The following PLPP7 variants were observed in gnomAD, a reference collection of about 807,000 sequenced individuals.
PLPP7 encodes the protein phospholipid phosphatase 7 (inactive).
In PLPP7, 11 loss-of-function variants were observed where a neutral mutation model predicts 16.9. The ratio of observed to expected loss-of-function variants is 0.65; its 90% CI spans 0.41 to 1.08. The LOEUF is 1.08. Among genes scored for constraint, PLPP7 ranks in the 50% least tolerant of loss-of-function variants. PLPP7 has a pLI of 0.00. For synonymous variants in PLPP7, 174 were observed against 175.1 expected, an observed-to-expected ratio of 0.99 and a Z score of 0.05; for missense variants, 358 against 397.1, an observed-to-expected ratio of 0.90 and a Z score of 0.84.
intron 1 of PLPP7, among the ~76,000 whole-genome samples, chr9:131,298,505 C>T (rs1030128839): frequency 6.6e-6 from 1 of 152,302 alleles, no homozygotes; most frequent in South Asian, 2.1e-4. Context: ...ACCCCTACCC[C>T]ACTAGCCCCA....
intron 1 of PLPP7, among the ~76,000 whole-genome samples, chr9:131,299,043 C>G (rs1435416795): frequency 1.3e-5 from 2 of 152,000 alleles, no homozygotes; most frequent in Non-Finnish European, 2.9e-5. Context: ...GGGTCCATTA[C>G]CAAGTGTCTG....
chr9:131,295,094 G>A lies in PLPP7; in HGVS notation c.451+4646G>A, dbSNP rs1490941775. Among the ~76,000 whole-genome samples the A allele has an allele frequency of 2.6e-5, 4 of 151,302 alleles. No individual in the cohort carries two copies. The highest frequency in any genetic ancestry group is 4.9e-5 in the African/African-American group (2 of 41,226). On this transcript the variant is annotated intron_variant, in intron 1 of 1. Coordinates refer to ENST00000372264, the MANE Select transcript of PLPP7 (RefSeq NM_032728.4). The surrounding 1 kb of genome is among the most constrained non-coding windows in gnomAD (Gnocchi z 4.0). ...CGCACCACTGCACTCCAGCCTGGGC[G>A]ACAGAGTGAGACTCTGTCTAAAAAA... is the stretch of plus-strand genomic sequence containing the variant.
rs913453265 is a variant in PLPP7 at position 131,289,774 on chromosome 9, T to C, written c.-224T>C. Reference sequence around the variant, plus strand: ...AGGCTCTGCTGGTGCAGGCCCCGCATTGGAGGGCTCGATTGGCTGCCCGGC... The same window carrying C: ...AGGCTCTGCTGGTGCAGGCCCCGCACTGGAGGGCTCGATTGGCTGCCCGGC... On this transcript the variant is annotated 5_prime_UTR_variant, in exon 1 of 2. Transcript: ENST00000372264. The C allele has an allele frequency of 5.5e-5, 22 of 397,924 alleles. 1 individual carries two copies. Among genetic ancestry groups the C allele is most frequent in the Admixed American group, 8.9e-5 (2 of 22,422 alleles). The allele number at this position is 397,924 out of a possible 1,614,324, so 24.6% of individuals were successfully genotyped here.
rs367828049 is a variant in PLPP7, at chr9:131,307,916, C to G, written c.452-7C>G. On this transcript the variant is annotated splice_polypyrimidine_tract_variant and splice_region_variant and intron_variant, in intron 1 of 1. Coordinates refer to ENST00000372264, the MANE Select transcript of PLPP7 (RefSeq NM_032728.4). Reference sequence around the variant, plus strand: ...ATGGCCCAGGGGCCTCTGTCTCCCCCCAACAGCCCTGCTCCTGGACATCAT... The same window carrying G: ...ATGGCCCAGGGGCCTCTGTCTCCCCGCAACAGCCCTGCTCCTGGACATCAT... The G allele has an allele frequency of 3.5e-5, 55 of 1,570,486 alleles. No homozygotes were observed. Among genetic ancestry groups the G allele is most frequent in the African/African-American group, 3.5e-4 (26 of 74,426 alleles).
intron 1 of PLPP7, among the ~76,000 whole-genome samples, chr9:131,303,540 G>A (rs1835821998): frequency 6.8e-6 from 1 of 147,118 alleles, no homozygotes. Flanking sequence ...TGAACATTCC[G>A]ATAAATACTG....
chr9:131,290,305 C>T lies in PLPP7; in HGVS notation c.308C>T (p.Ala103Val), dbSNP rs763380117. 8 of 1,611,716 alleles carry T rather than the reference C, an allele frequency of 5.0e-6. No homozygotes were observed. Among genetic ancestry groups the T allele is most frequent in the African/African-American group, 2.7e-5 (2 of 74,920 alleles). ...CGGCTGGGGGTGTGCGCTGGCCGGGCGGCGTCCTGGGCCAGTGCCCGCTCC... is the reference window on the plus strand; with the variant it reads ...CGGCTGGGGGTGTGCGCTGGCCGGGTGGCGTCCTGGGCCAGTGCCCGCTCC... Reference protein sequence around the residue: ...SKRLGVCAGRAASWASARSMV... With the variant: ...SKRLGVCAGRVASWASARSMV... Residue 103 changes from alanine (A) to valine (V), a missense_variant, in exon 1 of 2, where the codon GCG becomes GTG. Physicochemically the swap from Ala to Val is moderately conservative, Grantham distance 64. Transcript: ENST00000372264. This position sits in a 1 kb window ranked among gnomAD's most constrained non-coding sequence, Gnocchi z 4.2.
At chr9:131,301,719 C>G (rs1023372519) in intron 1 of PLPP7, among the ~76,000 whole-genome samples, 2 of 152,180 alleles carry the variant, frequency 1.3e-5, no homozygotes, top group Non-Finnish European at 2.9e-5. Context: ...TGTCAGCCAC[C>G]ACACTCCTCC....
intron 1 of PLPP7, chr9:131,292,954 C>T (rs1835698111): frequency 1.0e-6 from 1 of 985,328 alleles, no homozygotes; most frequent in Non-Finnish European, 1.2e-6. Context: ...CCTCCTTGAA[C>T]AGAAGTGATA....
chr9:131,299,751 C>G (rs117706762), intron 1 of PLPP7, among the ~76,000 whole-genome samples: 3,485 of 152,332 alleles, frequency 0.023, 48 homozygotes, highest in Non-Finnish European at 0.035. Flanking sequence ...TCCCGTTTGG[C>G]CATAGGAGAC....
intron 1 of PLPP7, among the ~76,000 whole-genome samples, chr9:131,304,249 G>T (rs1303586653): frequency 1.3e-5 from 2 of 152,322 alleles, no homozygotes; most frequent in East Asian, 3.9e-4. Flanking sequence ...TCCTCTCTCG[G>T]CACAGAAAGG....
chr9:131,306,069 C>G (rs1385785280), intron 1 of PLPP7, among the ~76,000 whole-genome samples: 1 of 152,030 alleles, frequency 6.6e-6, no homozygotes, highest in Non-Finnish European at 1.5e-5. Flanking sequence ...AACCCCGTCT[C>G]TACTAAAAAT....
At position 131,290,306 on chromosome 9, in the gene PLPP7, G is replaced by GGCGTCCTGGGCCAGTGCCCGCTCC; in HGVS notation, c.310_333dup (p.Ala104_Ser111dup). The GGCGTCCTGGGCCAGTGCCCGCTCC allele has an allele frequency of 6.2e-7, 1 of 1,611,942 alleles. No homozygotes were observed. Among genetic ancestry groups the GGCGTCCTGGGCCAGTGCCCGCTCC allele is most frequent in the Middle Eastern group, 1.7e-4 (1 of 6,060 alleles). On this transcript the variant is annotated inframe_insertion, in exon 1 of 2. Coordinates refer to ENST00000372264, the MANE Select transcript of PLPP7 (RefSeq NM_032728.4). The surrounding 1 kb of genome is among the most constrained non-coding windows in gnomAD (Gnocchi z 4.2). ...GGCTGGGGGTGTGCGCTGGCCGGGCGGCGTCCTGGGCCAGTGCCCGCTCCA... is the reference window on the plus strand; with the variant it reads ...GGCTGGGGGTGTGCGCTGGCCGGGCGGCGTCCTGGGCCAGTGCCCGCTCCGCGTCCTGGGCCAGTGCCCGCTCCA...
At position 131,309,002 on chromosome 9, in the gene PLPP7, C is replaced by A. The variant is rs963611959; in HGVS notation, c.*715C>A. 6.6e-6 allele frequency: 1 copy of A among 152,372 alleles called. No individual in the cohort carries two copies. Among genetic ancestry groups the A allele is most frequent in the Admixed American group, 6.5e-5 (1 of 15,278 alleles). The allele number at this position is 152,372 out of a possible 1,614,324, so 9.4% of individuals were successfully genotyped here. On this transcript the variant is annotated 3_prime_UTR_variant, in exon 2 of 2. Transcript: ENST00000372264. The stretch of plus-strand genomic sequence containing the variant: ...CTTTTCTTGGGGAACAGCTATTAAC[C>A]CCCAAGGAATTATTGGTTCCTCAAG...
At chr9:131,298,805 G>T (rs981669962) in intron 1 of PLPP7, among the ~76,000 whole-genome samples, 1 of 152,212 alleles carries the variant, frequency 6.6e-6, no homozygotes, top group South Asian at 2.1e-4. Context: ...CAACCCCGAG[G>T]GACCTGGGCT....
At chr9:131,297,383 A>G in intron 1 of PLPP7, among the ~76,000 whole-genome samples, 2 of 115,984 alleles carry the variant, frequency 1.7e-5, no homozygotes, top group African/African-American at 3.0e-5. Context: ...TAGCAGGTGG[A>G]GTCTTTTTTT....
In PLPP7 at chr9:131,289,801, G is replaced by A. The variant is rs1835640763; in HGVS notation, c.-197G>A. ...GGAGGGCTCGATTGGCTGCCCGGCT[G>A]GCACTGACGTCCCCTTGGAGCTGGG... On this transcript the variant is annotated 5_prime_UTR_variant, in exon 1 of 2. Coordinates refer to ENST00000372264, the MANE Select transcript of PLPP7 (RefSeq NM_032728.4). The A allele has an allele frequency of 2.3e-6, 1 of 426,058 alleles. No homozygotes were observed. Among genetic ancestry groups the A allele is most frequent in the Non-Finnish European group, 4.0e-6 (1 of 250,286 alleles). The allele number at this position is 426,058 out of a possible 1,614,324, so 26.4% of individuals were successfully genotyped here. A position where few individuals can be genotyped will look rare whatever the true frequency, so the allele number is the denominator to read the frequency against.
intron 1 of PLPP7, 61 bp from the exon 2 acceptor site, chr9:131,307,862 C>A (rs1363800062): frequency 2.0e-6 from 3 of 1,470,270 alleles, no homozygotes; most frequent in Non-Finnish European, 2.7e-6. Context: ...ATGTGGGGGG[C>A]CAGGGCCTGG....
Position 131,290,231 on chromosome 9 carries a change from G to A in PLPP7, c.234G>A (p.Lys78=). Residue 78 remains lysine, a synonymous_variant, in exon 1 of 2, where the codon AAG becomes AAA. Coordinates refer to ENST00000372264, the MANE Select transcript of PLPP7 (RefSeq NM_032728.4). The surrounding 1 kb of genome is among the most constrained non-coding windows in gnomAD (Gnocchi z 4.2). ...EDCMQLNPSF[K]GIAFNSLLAI... ...GCATGCAGCTGAACCCCTCCTTCAAGGGCATCGCCTTCAACTCCCTGCTGG... is the reference window on the plus strand; with the variant it reads ...GCATGCAGCTGAACCCCTCCTTCAAAGGCATCGCCTTCAACTCCCTGCTGG... 6.2e-7 allele frequency: 1 copy of A among 1,609,962 alleles called. No homozygotes were observed. The highest frequency in any genetic ancestry group is 1.1e-5 in the South Asian group (1 of 90,380).
At chr9:131,294,316 G>A (rs1384482908) in intron 1 of PLPP7, among the ~76,000 whole-genome samples, 1 of 152,200 alleles carries the variant, frequency 6.6e-6, no homozygotes, top group Non-Finnish European at 1.5e-5. Flanking sequence ...TCTCCCTGAT[G>A]AATCACACAT....
Sources: allele counts gnomAD v4.1 joint callset (sites outside exome capture counted in the v4.1 genomes callset), GRCh38; gene constraint gnomAD v4.1.1; non-coding constraint Gnocchi (gnomAD v3.1); transcripts MANE v1.5; gene names NCBI Gene and HGNC (gene_info 2026-07-23, HGNC 2026-07-21).